The following PPP1R9A variants were observed in gnomAD, a reference collection of about 807,000 sequenced individuals.
The protein encoded by PPP1R9A is neurabin-1.
PPP1R9A carries 59 observed loss-of-function variants against 141.9 expected under a neutral mutation model. The ratio of observed to expected loss-of-function variants is 0.42; its 90% CI spans 0.34 to 0.52. The LOEUF is 0.52. PPP1R9A is among the 20% of genes least tolerant of loss of function. The pLI is 0.10. For synonymous variants in PPP1R9A, 500 were observed against 569.7 expected (o/e 0.88, Z 1.74); for missense variants, 1,444 against 1,611.9 (o/e 0.90, Z 1.78).
intron 8 of PPP1R9A, among the ~76,000 whole-genome samples, chr7:95,236,607 G>T: frequency 6.8e-6 from 1 of 146,786 alleles, no homozygotes; most frequent in African/African-American, 2.5e-5. Flanking sequence ...CTCTTTATTT[G>T]AATATTTTTA....
At chr7:95,088,146 A>G (rs546768029) in intron 2 of PPP1R9A, among the ~76,000 whole-genome samples, 40 of 152,060 alleles carry the variant, frequency 2.6e-4, no homozygotes, top group Non-Finnish European at 5.6e-4. Flanking sequence ...TGGCTCTTTA[A>G]TCAGAGTAGA....
chr7:95,248,235 A>T, intron 9 of PPP1R9A, among the ~76,000 whole-genome samples: 1 of 131,192 alleles, frequency 7.6e-6, no homozygotes, highest in East Asian at 2.1e-4. Flanking sequence ...TTATTGTTTC[A>T]ATGGTCTTTT....
At chr7:95,162,857 A>G (rs1454991443) in intron 5 of PPP1R9A, among the ~76,000 whole-genome samples, 2 of 152,202 alleles carry the variant, frequency 1.3e-5, no homozygotes, top group East Asian at 3.8e-4. Flanking sequence ...GGCTTTTTCA[A>G]CTGTAAATCA....
At chr7:95,155,015 G>T (rs947846615) in intron 4 of PPP1R9A, 1 of 151,924 alleles carries the variant, frequency 6.6e-6, no homozygotes, top group African/African-American at 2.4e-5. Flanking sequence ...CATGCATGGG[G>T]ATTATCATTA....
chr7:95,054,656 CACTA>C (rs1338479908), intron 2 of PPP1R9A, among the ~76,000 whole-genome samples: 2 of 152,094 alleles, frequency 1.3e-5, no homozygotes, highest in African/African-American at 2.4e-5. Context: ...GTCCCTGCCA[CACTA>C]ACTGCTTGTT....
At chr7:95,074,390 T>C (rs1339135625) in intron 2 of PPP1R9A, among the ~76,000 whole-genome samples, 1 of 152,052 alleles carries the variant, frequency 6.6e-6, no homozygotes, top group African/African-American at 2.4e-5. Context: ...TAGGATTTTG[T>C]ACTTGTGAAG....
At chr7:95,022,455 T>G (rs1051905020) in intron 2 of PPP1R9A, among the ~76,000 whole-genome samples, 2 of 152,196 alleles carry the variant, frequency 1.3e-5, no homozygotes, top group South Asian at 4.1e-4. Flanking sequence ...CTATTCCTAT[T>G]TGAATATCCT....
At chr7:95,052,457 G>T (rs558928424) in intron 2 of PPP1R9A, among the ~76,000 whole-genome samples, 2 of 152,218 alleles carry the variant, frequency 1.3e-5, no homozygotes, top group Admixed American at 1.3e-4. Context: ...TCGTACCCAG[G>T]TTTCTGGCTG....
intron 5 of PPP1R9A, among the ~76,000 whole-genome samples, chr7:95,182,891 A>G (rs1465085153): frequency 6.6e-6 from 1 of 152,212 alleles, no homozygotes; most frequent in Non-Finnish European, 1.5e-5. Context: ...TGGTGTCACT[A>G]TATACAGATT....
At chr7:95,091,416 T>C (rs1817331950) in intron 2 of PPP1R9A, among the ~76,000 whole-genome samples, 1 of 129,962 alleles carries the variant, frequency 7.7e-6, no homozygotes, top group Non-Finnish European at 1.6e-5. Flanking sequence ...CAATCTCACC[T>C]CACCGCAACC....
chr7:95,118,889 G>A (rs911953329), intron 3 of PPP1R9A, among the ~76,000 whole-genome samples: 83 of 151,600 alleles, frequency 5.5e-4, no homozygotes, highest in African/African-American at 1.9e-3. Flanking sequence ...GGCTGAGGTG[G>A]GAGGATCACC....
intron 16 of PPP1R9A, among the ~76,000 whole-genome samples, chr7:95,280,789 A>T (rs1262437373): frequency 6.6e-6 from 1 of 152,136 alleles, no homozygotes; most frequent in African/African-American, 2.4e-5. Flanking sequence ...TTTTGGGGAG[A>T]AAGGAAGGTG....
intron 4 of PPP1R9A, among the ~76,000 whole-genome samples, chr7:95,152,186 G>A (rs1250545873): frequency 7.2e-5 from 11 of 151,756 alleles, no homozygotes; most frequent in African/African-American, 2.7e-4. Flanking sequence ...TCTTGACCTC[G>A]TGATCCACCC....
chr7:95,134,006 C>T (rs115738768), intron 4 of PPP1R9A, among the ~76,000 whole-genome samples: 122 of 152,120 alleles, frequency 8.0e-4, no homozygotes, highest in African/African-American at 2.8e-3. Flanking sequence ...ATTTTAAATG[C>T]TTTAAAAACA....
chr7:95,250,469 G>A (rs949522182), intron 10 of PPP1R9A, among the ~76,000 whole-genome samples: 1 of 152,014 alleles, frequency 6.6e-6, no homozygotes, highest in Non-Finnish European at 1.5e-5. Context: ...ATAGTTTTTG[G>A]CTGCCAGGGC....
intron 4 of PPP1R9A, among the ~76,000 whole-genome samples, chr7:95,131,802 T>C (rs1824688102): frequency 6.6e-6 from 1 of 152,178 alleles, no homozygotes. Context: ...TTGCTGATAT[T>C]GATTCTTCTA....
rs545182710 is a variant in PPP1R9A at position 95,109,840 on chromosome 7, GA to G, written c.1396-1409del. Among the ~76,000 whole-genome samples, 45 of 140,478 alleles carry G rather than the reference GA, an allele frequency of 3.2e-4. 1 individual carries two copies. In the South Asian group the frequency reaches 5.6e-3, roughly 18 times the overall value. The allele number at this position is 140,478 out of a possible 152,430, so 92.2% of individuals were successfully genotyped here. ...GTGCAGAGCAAGACCCTATCTCAAT[GA>G]AAAAAAAAAGAAGAAGAAAAGAAAA... On this transcript the variant is annotated intron_variant, in intron 2 of 19. Transcript: ENST00000433360.
At chr7:95,201,756 G>C (rs1789616085) in intron 6 of PPP1R9A, among the ~76,000 whole-genome samples, 1 of 151,982 alleles carries the variant, frequency 6.6e-6, no homozygotes, top group Non-Finnish European at 1.5e-5. Flanking sequence ...TCAGTCACTT[G>C]GTTTTTTTAC....
At position 95,293,222 on chromosome 7, in the gene PPP1R9A, T is replaced by C. The variant is rs1260525775; in HGVS notation, c.*2919T>C. The C allele has an allele frequency of 6.6e-6, 1 of 152,208 alleles. No homozygotes were observed. The highest frequency in any genetic ancestry group is 1.5e-5 in the Non-Finnish European group (1 of 68,038). The allele number at this position is 152,208 out of a possible 1,614,324, so 9.4% of individuals were successfully genotyped here. A position where few individuals can be genotyped will look rare whatever the true frequency, so the allele number is the denominator to read the frequency against. On this transcript the variant is annotated 3_prime_UTR_variant, in exon 20 of 20. Coordinates refer to ENST00000433360, the MANE Select transcript of PPP1R9A (RefSeq NM_001166160.2). ...GTTTCCCATTAAAGGATGTTAGTTT[T>C]ATAACAGATTACTTTGTTTAAGACC...
Sources: gnomAD v4.1 joint callset for allele counts (sites outside exome capture counted in the v4.1 genomes callset) on GRCh38, gnomAD v4.1.1 for gene constraint, MANE v1.5 for transcripts, NCBI Gene and HGNC (gene_info 2026-07-23, HGNC 2026-07-21) for gene names.